The following NBPF26 variants were observed in gnomAD, a reference collection of about 807,000 sequenced individuals.
NBPF26 encodes NBPF member 26, also known as NBPF family member NBPF26.
A neutral mutation model predicts 119.6 loss-of-function variants in NBPF26; 79 were observed. The ratio of observed to expected loss-of-function variants is 0.66; its 90% CI spans 0.55 to 0.80. The LOEUF (loss-of-function observed/expected upper bound fraction) is 0.80, where lower values mean the gene tolerates loss of function less well. Ranked by LOEUF, NBPF26 falls within the 30% of genes least tolerant of loss-of-function variation. NBPF26 has a pLI of 0.00. For missense variants in NBPF26, 800 were observed against 1,198.2 expected (o/e 0.67, Z 4.91); for synonymous variants, 299 against 457.7 (o/e 0.65, Z 4.43).
exon 3 of NBPF26, chr1:120,785,187 G>C (rs1651411931): frequency 6.9e-7 from 1 of 1,445,242 alleles, no homozygotes. Context: ...CATGCCATAT[G>C]CTCAGCCGGG....
chr1:120,833,441 G>C (rs1652406287), intron 23 of NBPF26, among the ~76,000 whole-genome samples, 162 bp from the exon 28 acceptor site: 1 of 97,644 alleles, frequency 1.0e-5, no homozygotes, highest in Non-Finnish European at 1.8e-5. Context: ...TTTCTACCTG[G>C]CCCTGTTCTA....
Position 120,756,089 on chromosome 1 carries a change from C to T in NBPF26, c.74-7539C>T, listed in dbSNP as rs1439491483. Among the ~76,000 whole-genome samples, 7 of 114,220 alleles carry T rather than the reference C, an allele frequency of 6.1e-5. 1 individual carries two copies. Among genetic ancestry groups the T allele is most frequent in the Middle Eastern group, 3.9e-3 (1 of 256 alleles). 74.9% of individuals were successfully genotyped at this position (114,220 alleles called of 152,430 possible). ...TGGATTTTTTTTTCATGGCTTGATC[C>T]CAAAAAATGGAACACAAAATTTAGA... is the stretch of plus-strand genomic sequence containing the variant. On this transcript the variant is annotated intron_variant, in intron 1 of 29. Coordinates refer to ENST00000620612, the Ensembl canonical transcript of NBPF26.
rs1652489807 is a variant in NBPF26 at position 120,840,411 on chromosome 1, T to C, written c.4165T>C (p.Cys1389Arg). ...AGTCTTGCAGGACTCACTGGATATA[T>C]GTTATTCGACTCCGTCAATGTACTT... The change falls in exon 30 of 30, where the codon TGT becomes CGT. Residue 1389 changes from cysteine to arginine, a missense_variant. This residue lies in a region of NBPF26 where 155 missense variants were observed against 95.9 expected (regional missense o/e 1.62). Coordinates refer to ENST00000620612, the Ensembl canonical transcript of NBPF26. 9.6e-6 allele frequency: 14 copies of C among 1,465,466 alleles called. 5 individuals are homozygous for C. Among genetic ancestry groups the C allele is most frequent in the Non-Finnish European group, 1.2e-5 (13 of 1,085,906 alleles). The allele number at this position is 1,465,466 out of a possible 1,614,324, so 90.8% of individuals were successfully genotyped here. A position where few individuals can be genotyped will look rare whatever the true frequency, so the allele number is the denominator to read the frequency against.
At chr1:120,793,243 C>G in exon 4 of NBPF26, 1 of 1,438,900 alleles carries the variant, frequency 6.9e-7, no homozygotes, top group South Asian at 1.2e-5. Flanking sequence ...CCAACCAGTT[C>G]TCCTGCAAAT....
At chr1:120,809,943 C>G in intron 8 of NBPF26, 60 bp downstream of exon 8, 1 of 1,531,242 alleles carries the variant, frequency 6.5e-7, no homozygotes. Context: ...GTCTAGGAGG[C>G]ACACCCTCTC....
At chr1:120,789,971 A>C (rs1651465328) in intron 3 of NBPF26, among the ~76,000 whole-genome samples, 1 of 87,310 alleles carries the variant, frequency 1.1e-5, no homozygotes. Context: ...GTTGTTAAGA[A>C]GGATCTCTTC....
chr1:120,807,843 A>G (rs1651741657), intron 6 of NBPF26, 134 bp downstream of exon 6: 1 of 532,630 alleles, frequency 1.9e-6, no homozygotes. Context: ...CTCGCTACAC[A>G]CAAATATTTA....
chr1:120,775,804 C>CTG (rs1651299883), intron 2 of NBPF26, among the ~76,000 whole-genome samples: 1 of 77,846 alleles, frequency 1.3e-5, no homozygotes, highest in African/African-American at 1.1e-4. Flanking sequence ...GGAATGAGGA[C>CTG]TGTGTGTGTG....
intron 1 of NBPF26, among the ~76,000 whole-genome samples, chr1:120,759,031 TA>T (rs1651105588): frequency 9.2e-6 from 1 of 109,128 alleles, no homozygotes; most frequent in Admixed American, 8.9e-5. Flanking sequence ...ACCTTTCTCT[TA>T]TAGAAATAAG....
chr1:120,735,303 G>A (rs1259230910), intron 1 of NBPF26, among the ~76,000 whole-genome samples: 1 of 66,478 alleles, frequency 1.5e-5, no homozygotes, highest in Admixed American at 1.5e-4. Flanking sequence ...GACCTCAGTT[G>A]ATCTGCCCGC....
rs1651853513 is a variant in NBPF26 at position 120,811,125 on chromosome 1, G to A, written c.1564+567G>A. ...TAGCTGGGTGTGGTGGTGGGTGCCT[G>A]TAGTCCCAGCTACTCAGGAGGCTGA... is the stretch of plus-strand genomic sequence containing the variant. On this transcript the variant is annotated intron_variant, in intron 9 of 29. Transcript: ENST00000620612. Among the ~76,000 whole-genome samples the A allele has an allele frequency of 2.8e-5, 3 of 106,278 alleles. 1 individual carries two copies. Among genetic ancestry groups the A allele is most frequent in the African/African-American group, 1.7e-4 (3 of 17,362 alleles). 69.7% of individuals were successfully genotyped at this position (106,278 alleles called of 152,430 possible). A position where few individuals can be genotyped will look rare whatever the true frequency, so the allele number is the denominator to read the frequency against.
At chr1:120,805,313 C>T (rs1184325353) in intron 4 of NBPF26, 30,272 of 1,064,476 alleles carry the variant, frequency 0.028, 7,434 homozygotes, top group African/African-American at 0.28. Flanking sequence ...TTACCTGGCA[C>T]GCTGGCCACA....
intron 1 of NBPF26, among the ~76,000 whole-genome samples, chr1:120,728,098 C>T (rs1435943507): frequency 8.5e-6 from 1 of 117,314 alleles, no homozygotes; most frequent in African/African-American, 5.0e-5. Context: ...GCTTCCATCT[C>T]GTGTACAAAT....
chr1:120,840,848 G>C (rs1553273658), downstream of NBPF26: 21 of 524,628 alleles, frequency 4.0e-5, 3 homozygotes, highest in Middle Eastern at 1.0e-3. Context: ...ATTTTAATTT[G>C]AACCACGTAT....
Position 120,730,474 on chromosome 1 carries a change from C to T in NBPF26, c.73+6224C>T, listed in dbSNP as rs2101347158. ...CACAAAGACACTTGATAATACTGTC[C>T]TTGATAGGAAGAAGGAAGTGGCTTC... On this transcript the variant is annotated intron_variant, in intron 1 of 29. Transcript: ENST00000620612. Among the ~76,000 whole-genome samples, 3 of 65,658 alleles carry T rather than the reference C, an allele frequency of 4.6e-5. 1 individual carries two copies. Among genetic ancestry groups the T allele is most frequent in the South Asian group, 8.2e-4 (2 of 2,430 alleles). 43.1% of individuals were successfully genotyped at this position (65,658 alleles called of 152,430 possible). A position where few individuals can be genotyped will look rare whatever the true frequency, so the allele number is the denominator to read the frequency against.
chr1:120,724,089 G>T, exon 1 of NBPF26: 1 of 1,321,192 alleles, frequency 7.6e-7, no homozygotes, highest in Non-Finnish European at 9.7e-7. Flanking sequence ...AGAGAGTGGG[G>T]CTCCTCTATC....
At chr1:120,778,364 A>G (rs1651322754) in intron 2 of NBPF26, among the ~76,000 whole-genome samples, 1 of 101,930 alleles carries the variant, frequency 9.8e-6, no homozygotes, top group Non-Finnish European at 1.8e-5. Context: ...CTGTTCAAAG[A>G]ATTTTCTGCT....
In NBPF26 at chr1:120,811,993, C is replaced by T. The variant is rs1553271049; in HGVS notation, c.1672C>T (p.Arg558Cys). 2.0e-4 allele frequency: 253 copies of T among 1,257,638 alleles called. 67 individuals carry two copies. The Admixed American group carries it at 3.2e-3, about 16-fold the overall frequency. The allele number at this position is 1,257,638 out of a possible 1,614,324, so 77.9% of individuals were successfully genotyped here. A position where few individuals can be genotyped will look rare whatever the true frequency, so the allele number is the denominator to read the frequency against. The change falls in exon 10 of 30, where the codon CGC becomes TGC. Residue 558 changes from arginine to cysteine, a missense_variant. Arg to Cys is a radical substitution (Grantham distance 180, BLOSUM62 -3). Transcript: ENST00000620612. ...CATTCTAGAAATCAATGAGAAATTG[C>T]GCCCCCAGCTGGCAGAGAAGAAACA...
At chr1:120,785,080 G>T in exon 3 of NBPF26, 1 of 1,446,216 alleles carries the variant, frequency 6.9e-7, no homozygotes. Flanking sequence ...GCTGGGGAAA[G>T]CCACGTGCCG....
Sources: gnomAD v4.1 joint callset for allele counts (sites outside exome capture counted in the v4.1 genomes callset) on GRCh38, gnomAD v4.1.1 for gene constraint, gnomAD v4.1.1 regional missense constraint, MANE v1.5 for transcripts, NCBI Gene and HGNC (gene_info 2026-07-23, HGNC 2026-07-21) for gene names.